Variants in LYN observed in about 807,000 individuals in gnomAD.
LYN encodes the protein LYN proto-oncogene, Src family tyrosine kinase, also known as tyrosine-protein kinase Lyn.
LYN carries 12 observed loss-of-function variants against 65.0 expected under a neutral mutation model. That is an observed-to-expected ratio of 0.18 (90% CI 0.12 to 0.30). LYN has a LOEUF of 0.30. Ranked by LOEUF, LYN falls within the 10% of genes least tolerant of loss-of-function variation. The pLI, the probability that LYN is intolerant of heterozygous loss-of-function variation, is 1.00. For synonymous variants in LYN, 222 were observed against 221.2 expected (o/e 1.00, Z -0.03); for missense variants, 380 against 623.2 (o/e 0.61, Z 4.16).
At chr8:55,967,816 A>G (rs572981700) in intron 9 of LYN, among the ~76,000 whole-genome samples, 1 of 152,314 alleles carries the variant, frequency 6.6e-6, no homozygotes, top group South Asian at 2.1e-4. Context: ...TTGAATCAAC[A>G]TCCTTCTTCC....
chr8:55,934,054 C>T (rs1289065428), intron 1 of LYN, among the ~76,000 whole-genome samples: 2 of 152,102 alleles, frequency 1.3e-5, no homozygotes, highest in Non-Finnish European at 2.9e-5. Flanking sequence ...GGTGAAACCC[C>T]ATCTTTACTA....
At chr8:55,892,925 C>G (rs1369221905) in intron 1 of LYN, among the ~76,000 whole-genome samples, 3 of 152,054 alleles carry the variant, frequency 2.0e-5, no homozygotes, top group Non-Finnish European at 4.4e-5. Context: ...TGATGTTGAC[C>G]CTCCCCCAAG....
chr8:55,966,461 G>A lies in LYN; in HGVS notation c.791-254G>A, dbSNP rs113929937. Among the ~76,000 whole-genome samples the A allele has an allele frequency of 0.033, 4,983 of 151,798 alleles. 164 individuals are homozygous for A. The highest frequency in any genetic ancestry group is 0.047 in the Non-Finnish European group (3,159 of 67,926). On this transcript the variant is annotated intron_variant, in intron 8 of 12. Coordinates refer to ENST00000519728, the MANE Select transcript of LYN (RefSeq NM_002350.4). Reference sequence around the variant, plus strand: ...CAGCTCACTGCAACCTCCACCTCCTGGGTTCAAGCAATTCTCCTGTCTCAG... The same window carrying A: ...CAGCTCACTGCAACCTCCACCTCCTAGGTTCAAGCAATTCTCCTGTCTCAG...
rs140518667 is a variant in LYN, at chr8:55,897,678, G to A, written c.-6+17575G>A. ...TGTAATGCTAGCACTTTGGGAGGCC[G>A]AGGCAGGAAGATCACTTGAGCGCAG... On this transcript the variant is annotated intron_variant, in intron 1 of 12. Transcript: ENST00000519728. Among the ~76,000 whole-genome samples, 181 of 152,196 alleles carry A rather than the reference G, an allele frequency of 1.2e-3. 1 individual carries two copies. Among genetic ancestry groups the A allele is most frequent in the African/African-American group, 4.0e-3 (168 of 41,522 alleles).
intron 1 of LYN, among the ~76,000 whole-genome samples, chr8:55,904,255 A>G (rs570433385): frequency 2.0e-5 from 3 of 152,338 alleles, no homozygotes; most frequent in African/African-American, 2.4e-5. Context: ...CTTTATGGCT[A>G]TAGTGTAACC....
chr8:55,935,593 G>A (rs56735298), intron 1 of LYN, among the ~76,000 whole-genome samples: 22,045 of 152,040 alleles, frequency 0.14, 1,756 homozygotes, highest in Middle Eastern at 0.29. Context: ...GGCCAACATG[G>A]TGAAACCCTG....
At chr8:55,925,113 G>A (rs992086571) in intron 1 of LYN, among the ~76,000 whole-genome samples, 3 of 151,528 alleles carry the variant, frequency 2.0e-5, no homozygotes, top group Admixed American at 6.6e-5. Flanking sequence ...GTGAGCCACC[G>A]TGCCCGGCCT....
At chr8:55,936,543 G>A (rs1435019216) in intron 1 of LYN, among the ~76,000 whole-genome samples, 1 of 152,164 alleles carries the variant, frequency 6.6e-6, no homozygotes, top group East Asian at 1.9e-4. Context: ...GGGAGGCTGA[G>A]GCAGAAGAAT....
chr8:56,010,330 T>G lies in LYN; in HGVS notation c.*220T>G. The G allele has an allele frequency of 1.9e-6, 1 of 522,120 alleles. No homozygotes were observed. The highest frequency in any genetic ancestry group is 3.5e-6 in the Non-Finnish European group (1 of 288,632). 32.3% of individuals were successfully genotyped at this position (522,120 alleles called of 1,614,324 possible). On this transcript the variant is annotated 3_prime_UTR_variant, in exon 13 of 13. Transcript: ENST00000519728. ...ACTCAGTTGCAACTTGGACTTGTCC[T>G]CAGCAGCTGGTAATCTTGCTCTGCT...
intron 8 of LYN, among the ~76,000 whole-genome samples, chr8:55,962,161 C>T (rs1807303694): frequency 6.6e-6 from 1 of 152,080 alleles, no homozygotes; most frequent in Non-Finnish European, 1.5e-5. Context: ...TGGTAAGATA[C>T]ATGTGGCTTT....
intron 1 of LYN, among the ~76,000 whole-genome samples, chr8:55,888,311 C>T (rs1804859193): frequency 6.6e-6 from 1 of 152,136 alleles, no homozygotes; most frequent in African/African-American, 2.4e-5. Flanking sequence ...ATTACCAGAG[C>T]TTGTTCCAGA....
In LYN at chr8:55,999,655, G is replaced by T. The variant is rs953176610; in HGVS notation, c.1336+106G>T. ...ATTACTTCATCTACCCGATAGCAAA[G>T]AATAAGTGCTTTGAGCCAGAACTTG... On this transcript the variant is annotated intron_variant, in intron 12 of 12. Coordinates refer to ENST00000519728, the MANE Select transcript of LYN (RefSeq NM_002350.4). 73 of 1,158,592 alleles carry T rather than the reference G, an allele frequency of 6.3e-5. No individual in the cohort carries two copies. The South Asian group carries it at 7.4e-4, about 12-fold the overall frequency. 71.8% of individuals were successfully genotyped at this position (1,158,592 alleles called of 1,614,324 possible).
At chr8:55,977,950 C>A (rs1420144455) in intron 10 of LYN, among the ~76,000 whole-genome samples, 1 of 151,978 alleles carries the variant, frequency 6.6e-6, no homozygotes, top group Non-Finnish European at 1.5e-5. Flanking sequence ...AAACAGAGCT[C>A]GTCTCTAAAG....
At position 55,896,784 on chromosome 8, in the gene LYN, G is replaced by A. The variant is rs1384568066; in HGVS notation, c.-6+16681G>A. Among the ~76,000 whole-genome samples, 10 of 152,136 alleles carry A rather than the reference G, an allele frequency of 6.6e-5. No homozygotes were observed. The East Asian group carries it at 1.9e-3, about 29-fold the overall frequency. ...GACAGAGCCTCGCTCTGTTAACCAG[G>A]TTGGAGTGCAGTGGCGTGATCTCGG... On this transcript the variant is annotated intron_variant, in intron 1 of 12. Transcript: ENST00000519728.
chr8:55,944,163 A>G (rs2130479510), intron 2 of LYN, among the ~76,000 whole-genome samples: 1 of 152,352 alleles, frequency 6.6e-6, no homozygotes, highest in Non-Finnish European at 1.5e-5. Flanking sequence ...TTGATAAATT[A>G]ACATTGTAAT....
intron 1 of LYN, among the ~76,000 whole-genome samples, chr8:55,940,779 G>A (rs1250519460): frequency 6.6e-6 from 1 of 152,146 alleles, no homozygotes; most frequent in Non-Finnish European, 1.5e-5. Context: ...CGTGTGTAGT[G>A]CTCAGCCGTC....
intron 1 of LYN, among the ~76,000 whole-genome samples, chr8:55,937,975 T>C (rs923040467): frequency 9.9e-5 from 15 of 152,060 alleles, no homozygotes; most frequent in African/African-American, 3.6e-4. Context: ...GGGATTACAC[T>C]TGTGAGCCAC....
chr8:55,995,208 G>T (rs1420663375), intron 10 of LYN, among the ~76,000 whole-genome samples: 2 of 152,122 alleles, frequency 1.3e-5, no homozygotes, highest in Non-Finnish European at 2.9e-5. Context: ...GGCAGCAGAG[G>T]CTTCCTAGAG....
At chr8:55,900,620 G>T (rs921486601) in intron 1 of LYN, among the ~76,000 whole-genome samples, 1 of 150,778 alleles carries the variant, frequency 6.6e-6, no homozygotes, top group Non-Finnish European at 1.5e-5. Context: ...GCCTCAAATG[G>T]TCCTCCAGTC....
Sources: allele counts gnomAD v4.1 joint callset (sites outside exome capture counted in the v4.1 genomes callset), GRCh38; gene constraint gnomAD v4.1.1; transcripts MANE v1.5; gene names NCBI Gene and HGNC (gene_info 2026-07-23, HGNC 2026-07-21).